LMTK2: variants seen among roughly 807,000 people sequenced by gnomAD.
LMTK2 encodes serine/threonine-protein kinase LMTK2.
LMTK2 carries 37 observed loss-of-function variants against 127.5 expected under a neutral mutation model. The ratio of observed to expected loss-of-function variants is 0.29; its 90% CI spans 0.22 to 0.38. The LOEUF (loss-of-function observed/expected upper bound fraction) is 0.38, where lower values mean the gene tolerates loss of function less well. LMTK2 is among the 10% of genes least tolerant of loss of function. The pLI, the probability that LMTK2 is intolerant of heterozygous loss-of-function variation, is 1.00. For synonymous variants in LMTK2, 819 were observed against 810.1 expected (o/e 1.01, Z -0.19); for missense variants, 1,694 against 1,920.3 (o/e 0.88, Z 2.20).
chr7:98,134,111 C>T (rs1001681479), intron 1 of LMTK2, among the ~76,000 whole-genome samples: 3 of 152,216 alleles, frequency 2.0e-5, no homozygotes, highest in Admixed American at 2.0e-4. Context: ...CACACCTAAA[C>T]TCAGTCTGGC....
chr7:98,155,313 G>T (rs1796912153), intron 5 of LMTK2, among the ~76,000 whole-genome samples: 2 of 152,208 alleles, frequency 1.3e-5, no homozygotes, highest in Non-Finnish European at 2.9e-5. Flanking sequence ...TATAACAAAA[G>T]ATCCAGCATT....
At chr7:98,129,634 G>A (rs1283843506) in intron 1 of LMTK2, among the ~76,000 whole-genome samples, 1 of 152,160 alleles carries the variant, frequency 6.6e-6, no homozygotes, top group Non-Finnish European at 1.5e-5. Flanking sequence ...CCAAAGCACT[G>A]GGATTACAGG....
At chr7:98,134,476 T>A (rs2116354037) in intron 1 of LMTK2, among the ~76,000 whole-genome samples, 1 of 152,240 alleles carries the variant, frequency 6.6e-6, no homozygotes, top group South Asian at 2.1e-4. Context: ...GGAGTCAAAT[T>A]TAATTTTTAT....
intron 5 of LMTK2, among the ~76,000 whole-genome samples, chr7:98,158,431 C>T (rs1796961760): frequency 6.6e-6 from 1 of 152,206 alleles, no homozygotes; most frequent in Non-Finnish European, 1.5e-5. Context: ...CGCGTCCCCA[C>T]ACCCAATTAG....
At chr7:98,202,048 C>CTGGGACTCCAGGG (rs1797711432) in intron 11 of LMTK2, among the ~76,000 whole-genome samples, 1 of 152,150 alleles carries the variant, frequency 6.6e-6, no homozygotes, top group South Asian at 2.1e-4. Context: ...TCCTCTCTTC[C>CTGGGACTCCAGGG]TGGGACTCCA....
Position 98,194,208 on chromosome 7 carries a change from C to G in LMTK2, c.3743C>G (p.Ser1248Cys), listed in dbSNP as rs1797589663. ...YTNSALDKSL[S>C]SHSEGPKLKE... is the part of the protein sequence containing the mutation. ...AATTCTGCGCTGGACAAGTCCCTGTCCAGCCACTCCGAGGGCCCGAAGTTG... is the reference window on the plus strand; with the variant it reads ...AATTCTGCGCTGGACAAGTCCCTGTGCAGCCACTCCGAGGGCCCGAAGTTG... Residue 1248 changes from serine to cysteine, a missense_variant, in exon 11 of 14, where the codon TCC (serine) becomes TGC (cysteine). Physicochemically the swap from Ser to Cys is moderately radical, Grantham distance 112. This residue lies in a region of LMTK2 where 554 missense variants were observed against 567.7 expected (regional missense o/e 0.98). Transcript: ENST00000297293. The surrounding 1 kb of genome is among the most constrained non-coding windows in gnomAD (Gnocchi z 5.4). 6.2e-7 allele frequency: 1 copy of G among 1,614,058 alleles called. No individual in the cohort carries two copies. The highest frequency in any genetic ancestry group is 8.5e-7 in the Non-Finnish European group (1 of 1,180,008).
Position 98,167,492 on chromosome 7 carries a change from A to G in LMTK2, c.658-4049A>G, listed in dbSNP as rs74610921. 9.5e-3 allele frequency among the ~76,000 whole-genome samples: 1,443 copies of G among 152,324 alleles called. 18 individuals are homozygous for G. The highest frequency in any genetic ancestry group is 0.033 in the African/African-American group (1,359 of 41,574). ...TCAAGGTGGGGTGGTGCTGGGACCA[A>G]TACCACAGCAGCGGAGGCATGGGAG... On this transcript the variant is annotated intron_variant, in intron 6 of 13. Coordinates refer to ENST00000297293, the MANE Select transcript of LMTK2 (RefSeq NM_014916.4).
At chr7:98,120,859 C>T (rs910513602) in intron 1 of LMTK2, among the ~76,000 whole-genome samples, 7 of 152,100 alleles carry the variant, frequency 4.6e-5, no homozygotes, top group African/African-American at 1.7e-4. Flanking sequence ...CCAAAATAGC[C>T]CCCTGGGAAC....
rs1158911697 is a variant in LMTK2 at position 98,193,306 on chromosome 7, G to A, written c.2841G>A (p.Val947=). 6.2e-7 allele frequency: 1 copy of A among 1,613,990 alleles called. No homozygotes were observed. Among genetic ancestry groups the A allele is most frequent in the Non-Finnish European group, 8.5e-7 (1 of 1,180,028 alleles). ...GGCTAGAGAAAAACTTAGAGGCTGTGGAGACTTTAAATCAGCTCAATTCTA... is the reference window on the plus strand; with the variant it reads ...GGCTAGAGAAAAACTTAGAGGCTGTAGAGACTTTAAATCAGCTCAATTCTA... ...HRRLEKNLEA[V]ETLNQLNSKD... The change falls in exon 11 of 14, where the codon GTG becomes GTA. Residue 947 remains valine, a synonymous_variant. Coordinates refer to ENST00000297293, the MANE Select transcript of LMTK2 (RefSeq NM_014916.4). The surrounding 1 kb of genome is among the most constrained non-coding windows in gnomAD (Gnocchi z 4.1).
Position 98,143,492 on chromosome 7 carries a change from A to G in LMTK2, c.376+1951A>G, listed in dbSNP as rs375275749. Among the ~76,000 whole-genome samples the G allele has an allele frequency of 3.3e-3, 507 of 152,362 alleles. 2 individuals carry two copies. Among genetic ancestry groups the G allele is most frequent in the African/African-American group, 0.012 (488 of 41,582 alleles). ...AGGATAAAAAGTAACACGCTACTAG[A>G]ATAAATAAGCTGAGGACATGAAAGG... On this transcript the variant is annotated intron_variant, in intron 3 of 13. Transcript: ENST00000297293.
At chr7:98,152,853 A>C (rs1268162785) in intron 4 of LMTK2, among the ~76,000 whole-genome samples, 1 of 152,190 alleles carries the variant, frequency 6.6e-6, no homozygotes, top group Non-Finnish European at 1.5e-5. Flanking sequence ...AGGCCCAGGC[A>C]GCTTGAACCT....
chr7:98,168,862 T>G (rs1323339045), intron 6 of LMTK2, among the ~76,000 whole-genome samples: 2 of 152,198 alleles, frequency 1.3e-5, no homozygotes, highest in African/African-American at 4.8e-5. Flanking sequence ...TGAGAAATTT[T>G]TAAAACTTGG....
chr7:98,118,184 C>G (rs1468747824), intron 1 of LMTK2, among the ~76,000 whole-genome samples: 1 of 152,168 alleles, frequency 6.6e-6, no homozygotes, highest in Non-Finnish European at 1.5e-5. Flanking sequence ...TAAATACCAC[C>G]ATAAACATTC....
At position 98,194,321 on chromosome 7, in the gene LMTK2, G is replaced by A. The variant is rs1263805833; in HGVS notation, c.3856G>A (p.Glu1286Lys). The A allele has an allele frequency of 1.9e-6, 3 of 1,614,154 alleles. No individual in the cohort carries two copies. Among genetic ancestry groups the A allele is most frequent in the East Asian group, 2.2e-5 (1 of 44,872 alleles). ...DLSEDGMDAD[E>K]EDENSDDSDE... Reference sequence around the variant, plus strand: ...CTCAGAGGACGGGATGGATGCAGACGAGGAGGACGAAAACAGCGACGACTC... The same window carrying A: ...CTCAGAGGACGGGATGGATGCAGACAAGGAGGACGAAAACAGCGACGACTC... The change falls in exon 11 of 14, where the codon GAG becomes AAG. Residue 1286 changes from glutamate (E) to lysine (K), a missense_variant. Around this residue, in one of 8 missense-constraint regions of LMTK2, gnomAD observed 554 missense variants for 567.7 expected, o/e 0.98. Transcript: ENST00000297293. The surrounding 1 kb of genome is among the most constrained non-coding windows in gnomAD (Gnocchi z 5.4).
rs1797672135 is a variant in LMTK2 at position 98,199,038 on chromosome 7, T to TTA, written c.4107+4468_4107+4469dup. On this transcript the variant is annotated intron_variant, in intron 11 of 13. Coordinates refer to ENST00000297293, the MANE Select transcript of LMTK2 (RefSeq NM_014916.4). Reference sequence around the variant, plus strand: ...TTGGAGATTTTATTGTATCTTTTTGTTATTAAATTTTAGTCTAATTCCATT... The same window carrying TTA: ...TTGGAGATTTTATTGTATCTTTTTGTTATATTAAATTTTAGTCTAATTCCATT... 2.0e-5 allele frequency among the ~76,000 whole-genome samples: 3 copies of TTA among 152,226 alleles called. No individual in the cohort carries two copies. In the South Asian group the frequency reaches 6.2e-4, roughly 31 times the overall value.
rs550980231 is a variant in LMTK2 at position 98,207,492 on chromosome 7, C to A, written c.*2000C>A. The A allele has an allele frequency of 6.6e-6, 1 of 150,480 alleles. No individual in the cohort carries two copies. The highest frequency in any genetic ancestry group is 1.5e-5 in the Non-Finnish European group (1 of 67,810). The allele number at this position is 150,480 out of a possible 1,614,324, so 9.3% of individuals were successfully genotyped here. A position where few individuals can be genotyped will look rare whatever the true frequency, so the allele number is the denominator to read the frequency against. ...GGCTATGTGGGGAGCACCACTGTCT[C>A]GGGATGCGCGAATTTTTTTTTTTTT... On this transcript the variant is annotated 3_prime_UTR_variant, in exon 14 of 14. Coordinates refer to ENST00000297293, the MANE Select transcript of LMTK2 (RefSeq NM_014916.4).
intron 2 of LMTK2, among the ~76,000 whole-genome samples, chr7:98,138,821 C>T (rs964834649): frequency 1.3e-5 from 2 of 152,148 alleles, no homozygotes; most frequent in African/African-American, 2.4e-5. Flanking sequence ...GGATTGAATG[C>T]GGGAGTTCAT....
rs776473808 is a variant in LMTK2, at chr7:98,193,876, C to G, written c.3411C>G (p.Pro1137=). The change falls in exon 11 of 14, where the codon CCC becomes CCG. Residue 1137 remains proline, a synonymous_variant. Coordinates refer to ENST00000297293, the MANE Select transcript of LMTK2 (RefSeq NM_014916.4). The surrounding 1 kb of genome is among the most constrained non-coding windows in gnomAD (Gnocchi z 4.1). ...ALVLVQEQPL[P]EPVLPEQSPA... is the part of the protein sequence containing the mutation. ...TGTTGGTACAGGAGCAGCCCCTACCCGAGCCAGTCCTCCCCGAGCAAAGTC... is the reference window on the plus strand; with the variant it reads ...TGTTGGTACAGGAGCAGCCCCTACCGGAGCCAGTCCTCCCCGAGCAAAGTC... The G allele has an allele frequency of 2.5e-6, 4 of 1,614,060 alleles. No homozygotes were observed. The East Asian group carries it at 6.7e-5, about 27-fold the overall frequency.
At chr7:98,203,828 T>G (rs775900128) in intron 12 of LMTK2, 116 bp from the exon 13 acceptor site, 11 of 1,572,834 alleles carry the variant, frequency 7.0e-6, no homozygotes, top group Non-Finnish European at 9.6e-6. Context: ...AGAACTGCCA[T>G]CTGCCAGCCG....
Sources: gnomAD v4.1 joint callset for allele counts (sites outside exome capture counted in the v4.1 genomes callset) on GRCh38, gnomAD v4.1.1 for gene constraint, gnomAD v4.1.1 regional missense constraint, Gnocchi (gnomAD v3.1) non-coding constraint, MANE v1.5 for transcripts, NCBI Gene and HGNC (gene_info 2026-07-23, HGNC 2026-07-21) for gene names.